The following TTC3 variants were observed in gnomAD, a reference collection of about 807,000 sequenced individuals.
TTC3 encodes the protein E3 ubiquitin-protein ligase TTC3.
A neutral mutation model predicts 249.6 loss-of-function variants in TTC3; 180 were observed. The ratio of observed to expected loss-of-function variants is 0.72; its 90% CI spans 0.64 to 0.82. The LOEUF (loss-of-function observed/expected upper bound fraction) is 0.82, where lower values mean the gene tolerates loss of function less well. TTC3 is among the 40% of genes least tolerant of loss of function. The pLI is 0.00. For missense variants in TTC3, 2,061 were observed against 2,398.4 expected, an observed-to-expected ratio of 0.86 and a Z score of 2.94; for synonymous variants, 717 against 805.0, an observed-to-expected ratio of 0.89 and a Z score of 1.85.
At chr21:37,077,204 T>C (rs1431695862) in intron 1 of TTC3, among the ~76,000 whole-genome samples, 2 of 152,154 alleles carry the variant, frequency 1.3e-5, no homozygotes, top group African/African-American at 4.8e-5. Flanking sequence ...AAAATGTTAC[T>C]GTGATGTTCT....
chr21:37,082,714 GT>G (rs892460881), intron 1 of TTC3: 1,987 of 758,294 alleles, frequency 2.6e-3, no homozygotes, highest in Middle Eastern at 3.5e-3. Context: ...TCCAAAAAGT[GT>G]TTTTTTTTTT....
intron 35 of TTC3, among the ~76,000 whole-genome samples, chr21:37,176,344 A>G (rs1414789139): frequency 6.6e-6 from 1 of 152,248 alleles, no homozygotes; most frequent in East Asian, 1.9e-4. Context: ...CCCAAAAAAG[A>G]AACCCCATAT....
At chr21:37,090,467 CTT>C (rs138757481) in intron 6 of TTC3, 181 bp downstream of exon 6, 60,552 of 517,062 alleles carry the variant, frequency 0.12, 1,599 homozygotes, top group Non-Finnish European at 0.12. Context: ...CATTTTCTCT[CTT>C]TTTTTTTTTT....
At chr21:37,087,382 A>C in exon 2 of TTC3, 1 of 1,613,932 alleles carries the variant, frequency 6.2e-7, no homozygotes, top group Non-Finnish European at 8.5e-7. Context: ...CGTGTGACTC[A>C]GCTTTACTGT....
chr21:37,107,739 A>C (rs1159209410), intron 10 of TTC3: 2 of 152,242 alleles, frequency 1.3e-5, no homozygotes, highest in Non-Finnish European at 2.9e-5. Flanking sequence ...TGGTAGTGAT[A>C]CATTTGGAAA....
chr21:37,135,792 C>G (rs991561373), intron 18 of TTC3, among the ~76,000 whole-genome samples: 1 of 152,188 alleles, frequency 6.6e-6, no homozygotes, highest in South Asian at 2.1e-4. Flanking sequence ...TCTTTAGTCA[C>G]ACCTTTTCAC....
chr21:37,104,073 G>A (rs909175232), intron 10 of TTC3, among the ~76,000 whole-genome samples: 1 of 152,198 alleles, frequency 6.6e-6, no homozygotes, highest in Admixed American at 6.5e-5. Context: ...ATTGACAGTG[G>A]GAATGGAAAA....
intron 40 of TTC3, 88 bp from the exon 41 acceptor site, chr21:37,192,024 A>T (rs2084198761): frequency 2.5e-6 from 2 of 805,242 alleles, no homozygotes; most frequent in Non-Finnish European, 3.9e-6. Context: ...CCTTACCAAG[A>T]CAGTTATGTT....
intron 1 of TTC3, among the ~76,000 whole-genome samples, chr21:37,084,727 G>C (rs756109960): frequency 1.3e-5 from 2 of 152,218 alleles, no homozygotes; most frequent in Non-Finnish European, 2.9e-5. Flanking sequence ...GGGTGCGGTG[G>C]CTCACGCCTG....
chr21:37,199,932 G>A (rs1234431818), intron 44 of TTC3, among the ~76,000 whole-genome samples: 1 of 152,206 alleles, frequency 6.6e-6, no homozygotes, highest in East Asian at 1.9e-4. Context: ...ACCATGCCAT[G>A]TGATTATCCC....
chr21:37,177,316 C>T (rs571195637), intron 35 of TTC3, among the ~76,000 whole-genome samples: 4 of 152,142 alleles, frequency 2.6e-5, no homozygotes, highest in Non-Finnish European at 4.4e-5. Flanking sequence ...CAGACCCCAC[C>T]GGCAAAAGCA....
At position 37,088,891 on chromosome 21, in the gene TTC3, G is replaced by A; in HGVS notation, c.426+5G>A. The A allele has an allele frequency of 6.2e-7, 1 of 1,613,094 alleles. No individual in the cohort carries two copies. The highest frequency in any genetic ancestry group is 1.1e-5 in the South Asian group (1 of 90,844). On this transcript the variant is annotated splice_donor_5th_base_variant and intron_variant, in intron 5 of 45. Coordinates refer to ENST00000355666, the Ensembl canonical transcript of TTC3. ...GATTTGGCAAAGAAAGTTGCTGTAA[G>A]TGGTAGAATGTAGGTTCCCCCGAGC...
At chr21:37,200,084 G>A (rs2085339072) in intron 44 of TTC3, 148 bp from the exon 45 acceptor site, 2 of 514,966 alleles carry the variant, frequency 3.9e-6, no homozygotes, top group Non-Finnish European at 6.8e-6. Context: ...TAAAAAATAA[G>A]TTGTTTCCTC....
intron 28 of TTC3, among the ~76,000 whole-genome samples, chr21:37,159,275 G>T (rs2080441790): frequency 6.6e-6 from 1 of 150,512 alleles, no homozygotes; most frequent in Non-Finnish European, 1.5e-5. Flanking sequence ...CCTCCTGTGG[G>T]CCTCTCCCTT....
At chr21:37,095,602 G>A in intron 9 of TTC3, 158 bp downstream of exon 9, 1 of 496,864 alleles carries the variant, frequency 2.0e-6, no homozygotes, top group Non-Finnish European at 3.5e-6. Flanking sequence ...ATTGGAGATG[G>A]CCTGGGTATA....
chr21:37,143,665 C>G (rs1165497900), intron 20 of TTC3, among the ~76,000 whole-genome samples: 1 of 151,140 alleles, frequency 6.6e-6, no homozygotes, highest in African/African-American at 2.4e-5. Flanking sequence ...CTAGTTCAAC[C>G]ATTGTGGAAG....
At chr21:37,087,019 G>A (rs1289867356) in intron 1 of TTC3, 2 of 511,022 alleles carry the variant, frequency 3.9e-6, no homozygotes, top group East Asian at 6.6e-5. Context: ...TAGAGATGGT[G>A]AATATGTGAA....
chr21:37,159,574 A>G, intron 28 of TTC3, 125 bp from the exon 29 acceptor site: 2 of 1,099,396 alleles, frequency 1.8e-6, no homozygotes, highest in Non-Finnish European at 2.5e-6. Flanking sequence ...ACTTGTGTCA[A>G]AGCCAAATAA....
chr21:37,154,023 A>AG (rs544834933), intron 27 of TTC3, among the ~76,000 whole-genome samples: 121 of 152,356 alleles, frequency 7.9e-4, no homozygotes, highest in African/African-American at 2.6e-3. Context: ...CCCCTAAAGC[A>AG]GGCGCTTTGC....
Sources: gnomAD v4.1 joint callset for allele counts (sites outside exome capture counted in the v4.1 genomes callset) on GRCh38, gnomAD v4.1.1 for gene constraint, MANE v1.5 for transcripts, NCBI Gene and HGNC (gene_info 2026-07-23, HGNC 2026-07-21) for gene names.